The following HYAL4 variants were observed in gnomAD, a reference collection of about 807,000 sequenced individuals.
HYAL4 encodes hyaluronidase-4.
A neutral mutation model predicts 35.2 loss-of-function variants in HYAL4; 37 were observed. The observed-to-expected ratio is 1.05, with a 90% CI of 0.81 to 1.38. The LOEUF is 1.38. Ranked by LOEUF, HYAL4 falls within the 40% of genes most tolerant of loss-of-function variation. The pLI, the probability that HYAL4 is intolerant of heterozygous loss-of-function variation, is 0.00. For synonymous variants in HYAL4, 198 were observed against 203.2 expected (o/e 0.97, Z 0.22); for missense variants, 572 against 572.4 (o/e 1.00, Z 0.01).
chr7:123,844,610 C>A (rs1011564769), upstream of HYAL4, among the ~76,000 whole-genome samples: 1 of 152,140 alleles, frequency 6.6e-6, no homozygotes, highest in Non-Finnish European at 1.5e-5. Context: ...TGTCTGCTGC[C>A]TTTTTTTGAG....
intron 1 of HYAL4, among the ~76,000 whole-genome samples, chr7:123,837,052 G>GA (rs997495254): frequency 6.6e-6 from 1 of 151,648 alleles, no homozygotes; most frequent in African/African-American, 2.4e-5. Context: ...AAAAAAGAAA[G>GA]AAAAAAAAGA....
the HYAL4 span, among the ~76,000 whole-genome samples, chr7:123,783,435 T>C: frequency 6.6e-6 from 1 of 151,244 alleles, no homozygotes; most frequent in Non-Finnish European, 1.5e-5. Flanking sequence ...TAAGAATTAA[T>C]AGTTAAGTGA....
At chr7:123,769,826 A>AG in the HYAL4 span, among the ~76,000 whole-genome samples, 1 of 152,024 alleles carries the variant, frequency 6.6e-6, no homozygotes, top group Non-Finnish European at 1.5e-5. Context: ...GACTTGAAAA[A>AG]AAAAAAAAAA....
At chr7:123,803,702 C>A in the HYAL4 span, among the ~76,000 whole-genome samples, 95 of 152,310 alleles carry the variant, frequency 6.2e-4, 2 homozygotes, top group East Asian at 0.018. Context: ...TTTTATACTT[C>A]TAGAAAAATT....
chr7:123,787,713 T>C, the HYAL4 span, among the ~76,000 whole-genome samples: 1 of 152,198 alleles, frequency 6.6e-6, no homozygotes, highest in Non-Finnish European at 1.5e-5. Context: ...CCTTAATGCG[T>C]CTGAATCCCA....
At chr7:123,836,633 C>T (rs1426844349) in intron 1 of HYAL4, among the ~76,000 whole-genome samples, 1 of 106,748 alleles carries the variant, frequency 9.4e-6, no homozygotes, top group Non-Finnish European at 1.9e-5. Context: ...TATTTGTTGC[C>T]TGTATATCTT....
Position 123,868,358 on chromosome 7 carries a change from C to G in HYAL4, c.85C>G (p.Leu29Val). 6.2e-7 allele frequency: 1 copy of G among 1,605,510 alleles called. No individual in the cohort carries two copies. Among genetic ancestry groups the G allele is most frequent in the Non-Finnish European group, 8.5e-7 (1 of 1,177,694 alleles). The stretch of plus-strand genomic sequence containing the variant: ...TTCATGGCTCCTTATATTTTTTATT[C>G]TAAAGTCTATCTCTTGTCTAAAACC... ...LTSWLLIFFI[L>V]KSISCLKPAR... The change falls in exon 3 of 5, where the codon CTA (leucine) becomes GTA (valine). Residue 29 changes from leucine (L) to valine (V), a missense_variant. Coordinates refer to ENST00000223026, the MANE Select transcript of HYAL4 (RefSeq NM_012269.3).
intron 3 of HYAL4, among the ~76,000 whole-genome samples, chr7:123,870,712 AT>A (rs1389589511): frequency 4.6e-5 from 7 of 151,298 alleles, no homozygotes; most frequent in Non-Finnish European, 8.8e-5. Context: ...GTGAGCCGAG[AT>A]TGTGCCACTG....
chr7:123,855,745 G>T (rs1291739269), intron 2 of HYAL4, among the ~76,000 whole-genome samples: 1 of 152,118 alleles, frequency 6.6e-6, no homozygotes, highest in Non-Finnish European at 1.5e-5. Flanking sequence ...ATGTTGGCCT[G>T]CCTTGCTTGG....
chr7:123,822,559 A>G, the HYAL4 span, among the ~76,000 whole-genome samples: 5 of 152,138 alleles, frequency 3.3e-5, no homozygotes, highest in Non-Finnish European at 7.4e-5. Context: ...GGTTTTCTAT[A>G]TATAGAACTA....
chr7:123,771,821 T>A, the HYAL4 span, among the ~76,000 whole-genome samples: 1 of 150,726 alleles, frequency 6.6e-6, no homozygotes, highest in East Asian at 1.9e-4. Context: ...TTTTTTTTTT[T>A]AACTTACCCA....
intron 2 of HYAL4, among the ~76,000 whole-genome samples, chr7:123,866,564 A>G (rs1204747094): frequency 6.6e-6 from 1 of 152,158 alleles, no homozygotes; most frequent in Non-Finnish European, 1.5e-5. Context: ...TGTCTACTGG[A>G]CACCTTAATC....
chr7:123,875,969 T>TA (rs1313329569), intron 4 of HYAL4: 6 of 455,956 alleles, frequency 1.3e-5, no homozygotes, highest in African/African-American at 4.0e-5. Context: ...TGTTTATGCC[T>TA]ATGCCCACAT....
chr7:123,834,731 T>G (rs1225052871), intron 1 of HYAL4, among the ~76,000 whole-genome samples: 1 of 152,192 alleles, frequency 6.6e-6, no homozygotes, highest in Non-Finnish European at 1.5e-5. Flanking sequence ...ATAGATAGCT[T>G]TTATTGCATT....
intron 4 of HYAL4, 39 bp downstream of exon 4, chr7:123,874,889 T>C (rs375888468): frequency 7.7e-5 from 89 of 1,154,708 alleles, no homozygotes; most frequent in Non-Finnish European, 9.3e-5. Context: ...ATGTTTTCTA[T>C]TAAAAGTATT....
At chr7:123,862,891 G>C (rs908480981) in intron 2 of HYAL4, among the ~76,000 whole-genome samples, 3 of 152,126 alleles carry the variant, frequency 2.0e-5, no homozygotes, top group African/African-American at 4.8e-5. Context: ...GTGAAAGCCT[G>C]AGTACCTATA....
the HYAL4 span, among the ~76,000 whole-genome samples, chr7:123,771,356 G>A: frequency 3.3e-5 from 5 of 152,062 alleles, no homozygotes; most frequent in African/African-American, 1.2e-4. Flanking sequence ...CTACATGTAC[G>A]TGTTGCTGTA....
At position 123,845,588 on chromosome 7, in the gene HYAL4, A is replaced by G. The variant is rs1226877639; in HGVS notation, c.-219A>G. ...TTTAAATTTCCTTAAATTGGACTTC[A>G]CATTTTTCTGATGCCTCCTTGTTTA... On this transcript the variant is annotated 5_prime_UTR_variant, in exon 1 of 5. Transcript: ENST00000223026. 6.6e-6 allele frequency: 1 copy of G among 151,936 alleles called. No individual in the cohort carries two copies. The highest frequency in any genetic ancestry group is 1.5e-5 in the Non-Finnish European group (1 of 67,976). 9.4% of individuals were successfully genotyped at this position (151,936 alleles called of 1,614,324 possible).
At chr7:123,787,070 G>T in the HYAL4 span, among the ~76,000 whole-genome samples, 1 of 134,026 alleles carries the variant, frequency 7.5e-6, no homozygotes, top group African/African-American at 2.9e-5. Context: ...TTGCACCATT[G>T]CACTCCAGCC....
Sources: gnomAD v4.1 joint callset for allele counts (sites outside exome capture counted in the v4.1 genomes callset) on GRCh38, gnomAD v4.1.1 for gene constraint, MANE v1.5 for transcripts, NCBI Gene and HGNC (gene_info 2026-07-23, HGNC 2026-07-21) for gene names.